Variants in NAALADL2 observed in about 807,000 individuals in gnomAD.
NAALADL2 encodes N-acetylated alpha-linked acidic dipeptidase like 2, also known as inactive N-acetylated-alpha-linked acidic dipeptidase-like protein 2.
In NAALADL2, 76 loss-of-function variants were observed where a neutral mutation model predicts 87.2. The observed-to-expected ratio is 0.87, with a 90% CI of 0.72 to 1.05. The LOEUF (loss-of-function observed/expected upper bound fraction) is 1.05, where lower values mean the gene tolerates loss of function less well. Ranked by LOEUF, NAALADL2 falls within the 50% of genes least tolerant of loss-of-function variation. NAALADL2 has a pLI of 0.00. For missense variants in NAALADL2, 1,089 were observed against 945.8 expected (o/e 1.15, Z -1.99); for synonymous variants, 354 against 331.0 (o/e 1.07, Z -0.75).
At chr3:175,650,057 C>A (rs202142724) in intron 11 of NAALADL2, among the ~76,000 whole-genome samples, 212 of 120,244 alleles carry the variant, frequency 1.8e-3, no homozygotes, top group Non-Finnish European at 1.9e-3. Context: ...AACCCCACAC[C>A]AAAAAAAAAA....
At chr3:175,038,546 C>A (rs766262123) in intron 1 of NAALADL2, among the ~76,000 whole-genome samples, 1 of 152,248 alleles carries the variant, frequency 6.6e-6, no homozygotes, top group Non-Finnish European at 1.5e-5. Context: ...TTTAGACTAG[C>A]CACCTACTTG....
chr3:175,505,603 C>T (rs2149380621), intron 9 of NAALADL2, among the ~76,000 whole-genome samples: 1 of 151,926 alleles, frequency 6.6e-6, no homozygotes, highest in Admixed American at 6.6e-5. Flanking sequence ...TGTACGTAAG[C>T]TGAGGATTTG....
chr3:175,119,692 T>TATAGATTATAGATATAGATATAGATATAG (rs374637601), intron 2 of NAALADL2, among the ~76,000 whole-genome samples: 1 of 145,324 alleles, frequency 6.9e-6, no homozygotes, highest in Non-Finnish European at 1.5e-5. Context: ...AAGGTGTGTA[T>TATAGATTATAGATATAGATATAGATATAG]ATATAGATAT....
At chr3:175,132,027 C>G (rs371302743) in intron 2 of NAALADL2, among the ~76,000 whole-genome samples, 4 of 104,818 alleles carry the variant, frequency 3.8e-5, no homozygotes, top group East Asian at 3.6e-4. Flanking sequence ...CCGGACGGGG[C>G]GGCTGGCCAG....
intron 5 of NAALADL2, among the ~76,000 whole-genome samples, chr3:175,353,873 C>T (rs1764054480): frequency 1.3e-5 from 2 of 152,168 alleles, no homozygotes; most frequent in Non-Finnish European, 2.9e-5. Context: ...CAAAGGTGTG[C>T]CTTCATGATA....
chr3:175,222,320 G>T (rs1160603880), intron 2 of NAALADL2, among the ~76,000 whole-genome samples: 1 of 152,140 alleles, frequency 6.6e-6, no homozygotes, highest in East Asian at 1.9e-4. Context: ...TTCTATTTGT[G>T]CTTTCATGAA....
rs1452210739 is a variant in NAALADL2 at position 175,113,308 on chromosome 3, T to C, written c.545+16017T>C. 4.6e-5 allele frequency among the ~76,000 whole-genome samples: 7 copies of C among 151,678 alleles called. No individual in the cohort carries two copies. The East Asian group carries it at 1.4e-3, about 30-fold the overall frequency. ...CATCAAATGTATGGTCAGTGAGGTA[T>C]GTGCTGGTAGAGCATCTGTGCAGAG... On this transcript the variant is annotated intron_variant, in intron 2 of 13. Coordinates refer to ENST00000454872, the MANE Select transcript of NAALADL2 (RefSeq NM_207015.3).
At chr3:174,597,887 T>C (rs1718070238) in intron 2 of NAALADL2, among the ~76,000 whole-genome samples, 1 of 152,220 alleles carries the variant, frequency 6.6e-6, no homozygotes, top group South Asian at 2.1e-4. Context: ...ACACATTTGA[T>C]CTTTCCTGAC....
chr3:174,981,453 T>C (rs1579845473), intron 1 of NAALADL2, among the ~76,000 whole-genome samples: 2 of 152,170 alleles, frequency 1.3e-5, no homozygotes, highest in East Asian at 3.9e-4. Flanking sequence ...TTGTGTCATG[T>C]TTTCTGGTAG....
chr3:175,393,111 A>G (rs1041947111), intron 5 of NAALADL2, among the ~76,000 whole-genome samples: 17 of 151,188 alleles, frequency 1.1e-4, no homozygotes, highest in Non-Finnish European at 2.4e-4. Context: ...CGTCTCTACT[A>G]AAAATACAAA....
chr3:174,469,010 G>A (rs1577974327), intron 1 of NAALADL2, among the ~76,000 whole-genome samples: 1 of 148,876 alleles, frequency 6.7e-6, no homozygotes, highest in Non-Finnish European at 1.5e-5. Context: ...TGATCCGCCC[G>A]CCCTGGCCTC....
chr3:174,988,518 C>CTTAA (rs1473430874), intron 1 of NAALADL2, among the ~76,000 whole-genome samples: 1 of 152,146 alleles, frequency 6.6e-6, no homozygotes, highest in Non-Finnish European at 1.5e-5. Flanking sequence ...AACCACATGC[C>CTTAA]ACAAACTGAG....
chr3:174,565,031 T>C (rs1370956909), intron 2 of NAALADL2, among the ~76,000 whole-genome samples: 4 of 152,010 alleles, frequency 2.6e-5, no homozygotes, highest in African/African-American at 7.2e-5. Flanking sequence ...AATTTTCCAA[T>C]TTTACAGGAC....
intron 9 of NAALADL2, among the ~76,000 whole-genome samples, chr3:175,499,253 C>T (rs76001269): frequency 0.11 from 16,535 of 151,924 alleles, 1,075 homozygotes; most frequent in African/African-American, 0.18. Context: ...TTTGTTTTAC[C>T]GTTTTTCGAA....
chr3:175,307,469 C>T (rs1194295336), intron 4 of NAALADL2, among the ~76,000 whole-genome samples: 1 of 152,006 alleles, frequency 6.6e-6, no homozygotes, highest in Non-Finnish European at 1.5e-5. Context: ...TATTCTTGTA[C>T]CCTTGAACAT....
At chr3:174,493,716 C>A (rs984648726) in intron 1 of NAALADL2, among the ~76,000 whole-genome samples, 2 of 152,036 alleles carry the variant, frequency 1.3e-5, no homozygotes, top group East Asian at 3.9e-4. Flanking sequence ...GAAGAGGGAA[C>A]CTAGCTCTTA....
At chr3:174,498,691 G>A (rs1415938079) in intron 1 of NAALADL2, among the ~76,000 whole-genome samples, 1 of 151,532 alleles carries the variant, frequency 6.6e-6, no homozygotes, top group East Asian at 1.9e-4. Context: ...AAGTGGATGT[G>A]CATTTACATC....
chr3:175,461,973 T>A (rs1456012366), intron 6 of NAALADL2, among the ~76,000 whole-genome samples: 1 of 152,048 alleles, frequency 6.6e-6, no homozygotes, highest in Non-Finnish European at 1.5e-5. Context: ...GAAGAGGTGG[T>A]GCACAGGGGA....
At chr3:175,706,414 A>G (rs1214923823) in intron 11 of NAALADL2, among the ~76,000 whole-genome samples, 1 of 152,200 alleles carries the variant, frequency 6.6e-6, no homozygotes, top group Non-Finnish European at 1.5e-5. Context: ...ATAATTAAAT[A>G]GAGCAATTCT....
Sources: gnomAD v4.1 joint callset for allele counts (sites outside exome capture counted in the v4.1 genomes callset) on GRCh38, gnomAD v4.1.1 for gene constraint, MANE v1.5 for transcripts, NCBI Gene and HGNC (gene_info 2026-07-23, HGNC 2026-07-21) for gene names.